Variants in PRTFDC1 observed in about 807,000 individuals in gnomAD.
The protein encoded by PRTFDC1 is phosphoribosyltransferase domain-containing protein 1.
In PRTFDC1, 38 loss-of-function variants were observed where a neutral mutation model predicts 34.6. The observed-to-expected ratio is 1.10, with a 90% confidence interval of 0.85 to 1.44. The LOEUF (loss-of-function observed/expected upper bound fraction) is 1.44, where lower values mean the gene tolerates loss of function less well. Ranked by LOEUF, PRTFDC1 falls within the 40% of genes most tolerant of loss-of-function variation. PRTFDC1 has a pLI of 0.00. For synonymous variants in PRTFDC1, 93 were observed against 98.1 expected (o/e 0.95, Z 0.31); for missense variants, 270 against 283.0 (o/e 0.95, Z 0.33).
At chr10:24,912,644 T>C (rs77268250) in intron 3 of PRTFDC1, among the ~76,000 whole-genome samples, 3,198 of 152,288 alleles carry the variant, frequency 0.021, 126 homozygotes, top group African/African-American at 0.074. Flanking sequence ...ATAAGATCTT[T>C]ATCAGACATA....
At chr10:24,884,341 A>G (rs1466458086) in intron 3 of PRTFDC1, among the ~76,000 whole-genome samples, 1 of 152,194 alleles carries the variant, frequency 6.6e-6, no homozygotes, top group Non-Finnish European at 1.5e-5. Flanking sequence ...CCATGGAGCC[A>G]TGGAAACTTC....
At chr10:24,944,666 C>T (rs757486828) in intron 1 of PRTFDC1, among the ~76,000 whole-genome samples, 6 of 152,096 alleles carry the variant, frequency 3.9e-5, no homozygotes, top group African/African-American at 7.2e-5. Context: ...GCCTGTAGTC[C>T]GAGCTACTCA....
At chr10:24,939,983 A>G (rs757002775) in intron 2 of PRTFDC1, among the ~76,000 whole-genome samples, 1 of 152,138 alleles carries the variant, frequency 6.6e-6, no homozygotes, top group Non-Finnish European at 1.5e-5. Context: ...GCATCATTAC[A>G]CAATAATAAG....
chr10:24,935,058 T>C (rs1849028102), intron 3 of PRTFDC1, among the ~76,000 whole-genome samples: 2 of 152,048 alleles, frequency 1.3e-5, no homozygotes, highest in Admixed American at 6.6e-5. Flanking sequence ...GTTCAGGAGG[T>C]TGACTGTGAA....
chr10:24,872,086 G>A lies in PRTFDC1; in HGVS notation c.340-23C>T, dbSNP rs370173229. The A allele has an allele frequency of 6.6e-5, 104 of 1,578,336 alleles. No homozygotes were observed. The African/African-American group carries it at 1.2e-3, about 18-fold the overall frequency. On this transcript the variant is annotated intron_variant, in intron 3 of 8. Coordinates refer to ENST00000320152, the MANE Select transcript of PRTFDC1 (RefSeq NM_020200.7). ...ATTCTGCAAAAAAGAAGAAAAAAAA[G>A]GGAGACAATTTTACCGCACAAGAAA...
intron 3 of PRTFDC1, among the ~76,000 whole-genome samples, chr10:24,874,635 T>C (rs72780349): frequency 0.12 from 18,957 of 152,226 alleles, 1,539 homozygotes; most frequent in Non-Finnish European, 0.18. Flanking sequence ...ACCACAAAAA[T>C]CAGATAACTA....
intron 3 of PRTFDC1, among the ~76,000 whole-genome samples, chr10:24,919,714 A>C (rs901735066): frequency 1.3e-5 from 2 of 152,210 alleles, no homozygotes; most frequent in Admixed American, 1.3e-4. Flanking sequence ...GATGGGAGAA[A>C]ATTTTTGCAA....
At chr10:24,925,426 C>G (rs59201594) in intron 3 of PRTFDC1, among the ~76,000 whole-genome samples, 93 of 152,208 alleles carry the variant, frequency 6.1e-4, no homozygotes, top group Admixed American at 1.6e-3. Flanking sequence ...ACCTATGTAA[C>G]AAACCTGCAC....
chr10:24,914,093 TCA>T (rs1848662327), intron 3 of PRTFDC1, among the ~76,000 whole-genome samples: 1 of 152,190 alleles, frequency 6.6e-6, no homozygotes, highest in Non-Finnish European at 1.5e-5. Flanking sequence ...CCATCAAGTT[TCA>T]CAGTCAAATC....
intron 3 of PRTFDC1, among the ~76,000 whole-genome samples, chr10:24,918,406 T>G (rs547527880): frequency 2.0e-5 from 3 of 152,266 alleles, no homozygotes; most frequent in African/African-American, 7.2e-5. Context: ...GTGGTTAATA[T>G]CTTTTTTATT....
chr10:24,939,217 C>T (rs991609122), intron 2 of PRTFDC1, among the ~76,000 whole-genome samples: 2 of 149,042 alleles, frequency 1.3e-5, no homozygotes, highest in African/African-American at 4.9e-5. Flanking sequence ...AGGAGAATCA[C>T]TTGAACCCAG....
chr10:24,852,704 G>C (rs1324793813), intron 7 of PRTFDC1, among the ~76,000 whole-genome samples: 2 of 152,232 alleles, frequency 1.3e-5, no homozygotes, highest in African/African-American at 4.8e-5. Flanking sequence ...ACTTGTTTCA[G>C]TGTTTTGGAA....
chr10:24,861,644 T>C (rs1332158529), intron 4 of PRTFDC1, among the ~76,000 whole-genome samples: 2 of 152,030 alleles, frequency 1.3e-5, no homozygotes, highest in Admixed American at 1.3e-4. Context: ...CTTTTAACTC[T>C]TTTAGCTGTT....
intron 3 of PRTFDC1, among the ~76,000 whole-genome samples, chr10:24,911,832 A>G (rs1848631318): frequency 6.6e-6 from 1 of 151,928 alleles, no homozygotes; most frequent in African/African-American, 2.4e-5. Context: ...ACGTCACCGC[A>G]CTCCAGCCTG....
intron 3 of PRTFDC1, among the ~76,000 whole-genome samples, chr10:24,900,710 T>C (rs1848435663): frequency 6.6e-6 from 1 of 152,230 alleles, no homozygotes; most frequent in Non-Finnish European, 1.5e-5. Flanking sequence ...CAAATCTATA[T>C]AATATTGTTT....
intron 6 of PRTFDC1, 149 bp from the exon 7 acceptor site, chr10:24,855,513 G>A: frequency 1.1e-6 from 1 of 891,802 alleles, no homozygotes; most frequent in Non-Finnish European, 1.7e-6. Context: ...GAAGACAGCA[G>A]GTCAGGCACA....
chr10:24,935,283 T>C (rs1849032171), intron 3 of PRTFDC1, among the ~76,000 whole-genome samples: 1 of 151,794 alleles, frequency 6.6e-6, no homozygotes, highest in Admixed American at 6.6e-5. Context: ...ATAATAAGGG[T>C]CAGGGCCAAG....
intron 1 of PRTFDC1, among the ~76,000 whole-genome samples, chr10:24,951,776 G>A (rs796310039): frequency 6.6e-6 from 1 of 152,162 alleles, no homozygotes; most frequent in Admixed American, 6.5e-5. Context: ...CACACTGAGA[G>A]ATGGGTACCC....
intron 7 of PRTFDC1, among the ~76,000 whole-genome samples, chr10:24,851,721 G>T (rs1344262791): frequency 1.3e-5 from 2 of 151,714 alleles, no homozygotes; most frequent in African/African-American, 4.8e-5. Context: ...GTTGAGAAAG[G>T]GCTCAGGAAG....
Sources: gnomAD v4.1 joint callset for allele counts (sites outside exome capture counted in the v4.1 genomes callset) on GRCh38, gnomAD v4.1.1 for gene constraint, MANE v1.5 for transcripts, NCBI Gene and HGNC (gene_info 2026-07-23, HGNC 2026-07-21) for gene names.